AMMECR1: variants seen among roughly 807,000 people sequenced by gnomAD.
AMMECR1 encodes AMMECR nuclear protein 1.
AMMECR1 carries 3 observed loss-of-function variants against 22.5 expected under a neutral mutation model. That is an observed-to-expected ratio of 0.13 (90% confidence interval 0.06 to 0.35). AMMECR1 has a LOEUF of 0.35. Among genes scored for constraint, AMMECR1 ranks in the 10% least tolerant of loss-of-function variants. The pLI is 1.00. For missense variants in AMMECR1, 235 were observed against 278.7 expected, an observed-to-expected ratio of 0.84 and a Z score of 1.12; for synonymous variants, 130 against 116.7, an observed-to-expected ratio of 1.11 and a Z score of -0.74.
upstream of AMMECR1, among the ~76,000 whole-genome samples, chrX:110,321,807 C>T: frequency 9.0e-6 from 1 of 111,641 alleles, no homozygotes; most frequent in East Asian, 2.8e-4. Context: ...ATCAAACTTT[C>T]TCAACTGTCA....
chrX:110,335,263 T>C (rs1054284467), intron 2 of AMMECR1, among the ~76,000 whole-genome samples: 1 of 110,331 alleles, frequency 9.1e-6, no homozygotes, highest in Non-Finnish European at 1.9e-5. Flanking sequence ...GGGCAGAGGG[T>C]GGGTGGTGGA....
At chrX:110,376,310 T>C (rs754099432) in intron 2 of AMMECR1, among the ~76,000 whole-genome samples, 1 of 110,974 alleles carries the variant, frequency 9.0e-6, no homozygotes, top group Non-Finnish European at 1.9e-5. Context: ...GAAATGGCCT[T>C]ATGTCCAGGA....
intron 1 of AMMECR1, among the ~76,000 whole-genome samples, chrX:110,283,409 C>T (rs898074234): frequency 8.9e-6 from 1 of 112,441 alleles, no homozygotes; most frequent in Non-Finnish European, 1.9e-5. Flanking sequence ...AGAGAAATAT[C>T]TGTTGTCTTA....
At chrX:110,245,561 C>T (rs1268960497) in intron 2 of AMMECR1, among the ~76,000 whole-genome samples, 1 of 110,755 alleles carries the variant, frequency 9.0e-6, no homozygotes, top group Non-Finnish European at 1.9e-5. Flanking sequence ...CAAACAAAAG[C>T]CCTTAGAAGA....
intron 2 of AMMECR1, among the ~76,000 whole-genome samples, chrX:110,349,069 A>G (rs774132240): frequency 8.9e-6 from 1 of 112,295 alleles, no homozygotes; most frequent in African/African-American, 3.2e-5. Context: ...ATAAAGTAAC[A>G]ACAATAATAG....
In AMMECR1 at chrX:110,197,559, A is replaced by T. The variant is rs1456186699; in HGVS notation, c.*961T>A. On this transcript the variant is annotated 3_prime_UTR_variant, in exon 6 of 6. Transcript: ENST00000262844. ...GAATTTGTCTAATCTTCTGTTTCAC[A>T]TATAGAAACAATAAAGTTTTACAAG... 3.6e-5 allele frequency: 4 copies of T among 112,009 alleles called. No individual in the cohort carries two copies. The highest frequency in any genetic ancestry group is 1.3e-4 in the African/African-American group (4 of 30,882). 9.2% of individuals were successfully genotyped at this position (112,009 alleles called of 1,213,427 possible). A position where few individuals can be genotyped will look rare whatever the true frequency, so the allele number is the denominator to read the frequency against.
intron 2 of AMMECR1, among the ~76,000 whole-genome samples, chrX:110,345,494 T>TAA (rs113026603): frequency 1.9e-4 from 20 of 104,687 alleles, no homozygotes; most frequent in African/African-American, 7.3e-4. Context: ...TAAAGTGTAA[T>TAA]AAAAAAAATA....
chrX:110,206,504 C>T (rs2067422564), intron 3 of AMMECR1, among the ~76,000 whole-genome samples: 1 of 112,111 alleles, frequency 8.9e-6, no homozygotes, highest in Non-Finnish European at 1.9e-5. Context: ...ACAAGCAGCA[C>T]TACAAAAGAG....
rs150500989 is a variant in AMMECR1, at chrX:110,312,697, C to T, written c.473+4902G>A. Among the ~76,000 whole-genome samples, 389 of 112,114 alleles carry T rather than the reference C, an allele frequency of 3.5e-3. 2 individuals are homozygous for T. The highest frequency in any genetic ancestry group is 0.012 in the African/African-American group (376 of 30,862). On this transcript the variant is annotated intron_variant, in intron 1 of 5. Coordinates refer to ENST00000262844, the MANE Select transcript of AMMECR1 (RefSeq NM_015365.3). ...GTCACTGATGGCTTTTACAGAACAA[C>T]TGACAACTGGGGACATGCCTGCCTT...
intron 2 of AMMECR1, among the ~76,000 whole-genome samples, chrX:110,416,136 A>G (rs752183883): frequency 9.0e-6 from 1 of 111,125 alleles, no homozygotes; most frequent in Non-Finnish European, 1.9e-5. Flanking sequence ...AACTCTCAAC[A>G]GCCTGTGGGT....
chrX:110,217,228 C>CAA (rs2067477983), intron 2 of AMMECR1, among the ~76,000 whole-genome samples: 1 of 107,888 alleles, frequency 9.3e-6, no homozygotes, highest in African/African-American at 3.4e-5. Flanking sequence ...AATAATCATG[C>CAA]AAATTATAGA....
intron 2 of AMMECR1, among the ~76,000 whole-genome samples, chrX:110,351,275 G>T (rs777633690): frequency 9.0e-5 from 10 of 111,540 alleles, no homozygotes; most frequent in Non-Finnish European, 1.3e-4. Context: ...AAATGCAAGG[G>T]CTCCAGAATA....
intron 2 of AMMECR1, among the ~76,000 whole-genome samples, chrX:110,382,697 C>A (rs907835484): frequency 1.8e-5 from 2 of 111,462 alleles, no homozygotes; most frequent in African/African-American, 3.3e-5. Context: ...TCTCCTTTCC[C>A]TTTCCTCTGC....
At position 110,364,544 on chromosome X, in the gene AMMECR1, G is replaced by T. The variant is rs758924989; in HGVS notation, c.-147-46695C>A. ...ATTTCCTACTGGGATTTATCAAGAT[G>T]AATTAATAAATTGACATTTTGGCTT... is the stretch of plus-strand genomic sequence containing the variant. On this transcript the variant is annotated intron_variant, in intron 2 of 7. Coordinates refer to the AMMECR1 transcript ENST00000372057. Among the ~76,000 whole-genome samples, 90 of 111,493 alleles carry T rather than the reference G, an allele frequency of 8.1e-4. 1 individual carries two copies. In the Admixed American group the frequency reaches 8.6e-3, roughly 11 times the overall value.
upstream of AMMECR1, among the ~76,000 whole-genome samples, chrX:110,318,499 G>T (rs1011877444): frequency 6.3e-5 from 7 of 110,736 alleles, no homozygotes; most frequent in Non-Finnish European, 1.1e-4. Context: ...TGGGGGTAGG[G>T]GGGAAGAAAG....
In AMMECR1 at chrX:110,310,563, T is replaced by C. The variant is rs556982751; in HGVS notation, c.473+7036A>G. On this transcript the variant is annotated intron_variant, in intron 1 of 5. Transcript: ENST00000262844. ...GAGGGAAAGGGGAGGAGAGTTCTTATGCCTGTGATCAAATTTCATAGCCAT... is the reference window on the plus strand; with the variant it reads ...GAGGGAAAGGGGAGGAGAGTTCTTACGCCTGTGATCAAATTTCATAGCCAT... Among the ~76,000 whole-genome samples the C allele has an allele frequency of 8.9e-5, 10 of 111,844 alleles. No homozygotes were observed. In the East Asian group the frequency reaches 2.0e-3, roughly 22 times the overall value.
intron 2 of AMMECR1, among the ~76,000 whole-genome samples, chrX:110,247,426 T>A (rs947440965): frequency 8.9e-6 from 1 of 111,799 alleles, no homozygotes; most frequent in African/African-American, 3.2e-5. Context: ...TGTGGTGGCT[T>A]ACACCTGTAA....
At chrX:110,326,103 C>T (rs1286460771) in intron 2 of AMMECR1, among the ~76,000 whole-genome samples, 1 of 111,247 alleles carries the variant, frequency 9.0e-6, no homozygotes, top group African/African-American at 3.3e-5. Flanking sequence ...GATTCTCCTG[C>T]CTCAGCCTCC....
At chrX:110,225,743 C>A (rs1383261444) in intron 2 of AMMECR1, among the ~76,000 whole-genome samples, 2 of 111,806 alleles carry the variant, frequency 1.8e-5, no homozygotes, top group Non-Finnish European at 3.8e-5. Flanking sequence ...GGATGCTCAA[C>A]CTGTACTAAG....
Sources: gnomAD v4.1 joint callset for allele counts (sites outside exome capture counted in the v4.1 genomes callset) on GRCh38, gnomAD v4.1.1 for gene constraint, MANE v1.5 for transcripts, NCBI Gene and HGNC (gene_info 2026-07-23, HGNC 2026-07-21) for gene names.